MCTP1: variants seen among roughly 807,000 people sequenced by gnomAD.
The protein encoded by MCTP1 is multiple C2 and transmembrane domain containing 1, also known as multiple C2 and transmembrane domain-containing protein 1.
Under a neutral mutation model 120.6 loss-of-function variants are expected in MCTP1, and 69 were observed. That is an observed-to-expected ratio of 0.57 (90% confidence interval 0.47 to 0.70). The LOEUF (loss-of-function observed/expected upper bound fraction) is 0.70, where lower values mean the gene tolerates loss of function less well. MCTP1 is among the 30% of genes least tolerant of loss of function. MCTP1 has a pLI of 0.00. For synonymous variants in MCTP1, 529 were observed against 493.1 expected, an observed-to-expected ratio of 1.07 and a Z score of -0.96; for missense variants, 1,203 against 1,248.8, an observed-to-expected ratio of 0.96 and a Z score of 0.55.
chr5:94,938,526 T>G (rs1209671663), intron 5 of MCTP1, among the ~76,000 whole-genome samples: 2 of 152,056 alleles, frequency 1.3e-5, no homozygotes, highest in African/African-American at 4.8e-5. Flanking sequence ...CTTATTTGGC[T>G]TCCTTAGAGA....
intron 1 of MCTP1, among the ~76,000 whole-genome samples, chr5:95,282,030 T>C (rs748504114): frequency 1.3e-5 from 2 of 152,252 alleles, no homozygotes; most frequent in Non-Finnish European, 2.9e-5. Context: ...ATTTAACCTA[T>C]GTGAGCATTG....
chr5:94,728,191 C>T (rs560442976), intron 19 of MCTP1, among the ~76,000 whole-genome samples: 1 of 151,868 alleles, frequency 6.6e-6, no homozygotes, highest in East Asian at 1.9e-4. Context: ...GATCATGATG[C>T]CTTTCAATTT....
chr5:94,773,611 T>G (rs1250377809), intron 19 of MCTP1, among the ~76,000 whole-genome samples: 4 of 152,040 alleles, frequency 2.6e-5, no homozygotes, highest in Non-Finnish European at 4.4e-5. Context: ...GGGTAATTTA[T>G]AAAGGAAAAA....
intron 17 of MCTP1, among the ~76,000 whole-genome samples, chr5:94,839,588 A>G (rs12657029): frequency 0.077 from 11,745 of 152,240 alleles, 576 homozygotes; most frequent in East Asian, 0.26. Context: ...AAATAATATA[A>G]AAGACTTCAA....
intron 1 of MCTP1, among the ~76,000 whole-genome samples, chr5:95,167,379 A>G (rs1205811688): frequency 6.6e-6 from 1 of 152,132 alleles, no homozygotes; most frequent in Non-Finnish European, 1.5e-5. Context: ...ACATGTGCAC[A>G]TGTCTTTATA....
At chr5:95,168,700 G>T (rs930603209) in intron 1 of MCTP1, among the ~76,000 whole-genome samples, 17 of 152,088 alleles carry the variant, frequency 1.1e-4, no homozygotes, top group African/African-American at 4.1e-4. Flanking sequence ...GGCTCTGTTT[G>T]TCTGTTATTG....
At chr5:95,025,796 T>C (rs1057485005) in intron 1 of MCTP1, among the ~76,000 whole-genome samples, 1 of 152,206 alleles carries the variant, frequency 6.6e-6, no homozygotes, top group Non-Finnish European at 1.5e-5. Context: ...AATTTTTCTT[T>C]TCCCAACAGC....
intron 1 of MCTP1, among the ~76,000 whole-genome samples, chr5:95,266,250 T>C (rs1758873907): frequency 6.6e-6 from 1 of 152,208 alleles, no homozygotes; most frequent in African/African-American, 2.4e-5. Context: ...AGTTTTAACT[T>C]TTATAATGCT....
At chr5:94,805,403 G>A (rs111722067) in intron 17 of MCTP1, among the ~76,000 whole-genome samples, 1 of 152,160 alleles carries the variant, frequency 6.6e-6, no homozygotes, top group Non-Finnish European at 1.5e-5. Context: ...GATGCAGGAG[G>A]ATTGCTTGAG....
chr5:94,897,419 C>T (rs969163954), intron 10 of MCTP1, among the ~76,000 whole-genome samples: 31 of 152,174 alleles, frequency 2.0e-4, no homozygotes, highest in African/African-American at 7.0e-4. Context: ...TGCAGTGGCG[C>T]GATCTCAACT....
intron 1 of MCTP1, among the ~76,000 whole-genome samples, chr5:95,271,732 CAT>C (rs1353686240): frequency 6.6e-6 from 1 of 151,574 alleles, no homozygotes; most frequent in African/African-American, 2.4e-5. Flanking sequence ...ATAGATTTTA[CAT>C]ATGTTATAAT....
chr5:94,740,019 A>G (rs368956928), intron 19 of MCTP1, among the ~76,000 whole-genome samples: 4 of 152,184 alleles, frequency 2.6e-5, no homozygotes, highest in East Asian at 3.8e-4. Flanking sequence ...TCTCTTCATC[A>G]CATGAAGTGC....
chr5:94,926,899 T>G (rs559126101), intron 6 of MCTP1, among the ~76,000 whole-genome samples: 3 of 152,190 alleles, frequency 2.0e-5, no homozygotes, highest in Non-Finnish European at 4.4e-5. Context: ...ACAAGCATTG[T>G]GGAATCCATC....
intron 17 of MCTP1, among the ~76,000 whole-genome samples, chr5:94,841,092 T>C (rs1407465165): frequency 6.6e-6 from 1 of 152,188 alleles, no homozygotes; most frequent in African/African-American, 2.4e-5. Flanking sequence ...AGCTGGCTGC[T>C]TGGCATGTGA....
chr5:94,931,696 C>T, intron 6 of MCTP1: 1 of 402,926 alleles, frequency 2.5e-6, no homozygotes, highest in East Asian at 4.1e-5. Context: ...GACCCTGTTG[C>T]ATATATAGTT....
rs139284530 is a variant in MCTP1 at position 94,704,112 on chromosome 5, T to C, written c.*3384A>G. On this transcript the variant is annotated 3_prime_UTR_variant, in exon 23 of 23. Coordinates refer to ENST00000515393, the MANE Select transcript of MCTP1 (RefSeq NM_024717.7). ...AAAGAATTTACCACATTATTTTCTA[T>C]GTGGTTTTAATTCATACTTTACTGA... 154 of 151,208 alleles carry C rather than the reference T, an allele frequency of 1.0e-3. No individual in the cohort carries two copies. The highest frequency in any genetic ancestry group is 3.5e-3 in the African/African-American group (145 of 41,504). The allele number at this position is 151,208 out of a possible 1,614,324, so 9.4% of individuals were successfully genotyped here.
intron 1 of MCTP1, among the ~76,000 whole-genome samples, chr5:95,280,833 C>A (rs113663003): frequency 0.013 from 1,944 of 152,244 alleles, 41 homozygotes; most frequent in African/African-American, 0.043. Context: ...CATATATACC[C>A]GTGACTCCCA....
At chr5:95,123,755 T>C (rs1279791130) in intron 1 of MCTP1, among the ~76,000 whole-genome samples, 3 of 151,770 alleles carry the variant, frequency 2.0e-5, no homozygotes, top group African/African-American at 7.3e-5. Context: ...GTTCATGCCA[T>C]TCTCCTGCCT....
chr5:94,790,244 A>T (rs980676335), intron 18 of MCTP1, among the ~76,000 whole-genome samples: 2 of 152,204 alleles, frequency 1.3e-5, no homozygotes, highest in Non-Finnish European at 2.9e-5. Context: ...AAAGTGCATA[A>T]AACAAGAAAT....
Sources: allele counts gnomAD v4.1 joint callset (sites outside exome capture counted in the v4.1 genomes callset), GRCh38; gene constraint gnomAD v4.1.1; transcripts MANE v1.5; gene names NCBI Gene and HGNC (gene_info 2026-07-23, HGNC 2026-07-21).